DENND5B: variants seen among roughly 807,000 people sequenced by gnomAD.
The protein encoded by DENND5B is DENN domain containing 5B, also known as DENN domain-containing protein 5B.
DENND5B carries 34 observed loss-of-function variants against 140.6 expected under a neutral mutation model. The observed-to-expected ratio is 0.24, with a 90% CI of 0.18 to 0.32. The LOEUF is 0.32. DENND5B is among the 10% of genes least tolerant of loss of function. DENND5B has a pLI of 1.00. For missense variants in DENND5B, 1,142 were observed against 1,560.2 expected (o/e 0.73, Z 4.52); for synonymous variants, 551 against 562.1 (o/e 0.98, Z 0.28).
chr12:31,532,403 T>G (rs891989222), intron 1 of DENND5B, among the ~76,000 whole-genome samples: 1 of 152,126 alleles, frequency 6.6e-6, no homozygotes, highest in Non-Finnish European at 1.5e-5. Flanking sequence ...TTTAGGCTCA[T>G]AGACCTCAAT....
chr12:31,590,502 C>T (rs746075497), intron 1 of DENND5B: 4 of 594,728 alleles, frequency 6.7e-6, no homozygotes, highest in Non-Finnish European at 1.0e-5. Flanking sequence ...GCGAAAGCCC[C>T]GGTGGGCGCA....
At chr12:31,484,225 AT>A (rs764740202) in intron 2 of DENND5B, among the ~76,000 whole-genome samples, 1 of 152,174 alleles carries the variant, frequency 6.6e-6, no homozygotes, top group Non-Finnish European at 1.5e-5. Context: ...TCGACAATGC[AT>A]TTGGCCCAGG....
At chr12:31,499,538 A>G in intron 1 of DENND5B, 1 of 1,275,584 alleles carries the variant, frequency 7.8e-7, no homozygotes, top group South Asian at 1.8e-5. Flanking sequence ...AAACATTTAT[A>G]ATGGGCTTGC....
At chr12:31,526,694 G>A (rs1298036704) in intron 1 of DENND5B, among the ~76,000 whole-genome samples, 2 of 152,294 alleles carry the variant, frequency 1.3e-5, no homozygotes, top group South Asian at 2.1e-4. Flanking sequence ...AAAAATTCAC[G>A]AAATCCAAAT....
At chr12:31,587,043 A>C (rs1364901119) in intron 1 of DENND5B, among the ~76,000 whole-genome samples, 2 of 152,062 alleles carry the variant, frequency 1.3e-5, no homozygotes, top group East Asian at 1.9e-4. Flanking sequence ...CACACTCCTT[A>C]ATCTCCTCGG....
intron 3 of DENND5B, among the ~76,000 whole-genome samples, chr12:31,462,845 G>C (rs980665383): frequency 2.0e-5 from 3 of 152,132 alleles, no homozygotes; most frequent in African/African-American, 7.2e-5. Flanking sequence ...TGTAATCCCA[G>C]TTACTTGGGA....
At chr12:31,461,443 C>T (rs77032448) in intron 3 of DENND5B, among the ~76,000 whole-genome samples, 3,123 of 152,238 alleles carry the variant, frequency 0.021, 56 homozygotes, top group South Asian at 0.052. Context: ...GTAAAGCAGC[C>T]TTTTAAACCA....
intron 1 of DENND5B, among the ~76,000 whole-genome samples, chr12:31,589,076 T>G (rs936834152): frequency 1.3e-5 from 2 of 152,234 alleles, no homozygotes; most frequent in Non-Finnish European, 2.9e-5. Flanking sequence ...GGTACAGTTT[T>G]AGCTTCAGTA....
chr12:31,538,684 T>C (rs1948585352), intron 1 of DENND5B, among the ~76,000 whole-genome samples: 1 of 152,026 alleles, frequency 6.6e-6, no homozygotes, highest in Non-Finnish European at 1.5e-5. Flanking sequence ...CTGGACAACT[T>C]GGTGAAACCC....
intron 1 of DENND5B, among the ~76,000 whole-genome samples, chr12:31,545,625 T>C (rs1948829450): frequency 6.6e-6 from 1 of 152,102 alleles, no homozygotes; most frequent in Non-Finnish European, 1.5e-5. Flanking sequence ...TAATGAAAAG[T>C]ACATATTTCA....
At chr12:31,404,202 G>T (rs955631968) in intron 14 of DENND5B, among the ~76,000 whole-genome samples, 1 of 152,162 alleles carries the variant, frequency 6.6e-6, no homozygotes, top group Admixed American at 6.5e-5. Context: ...TCCAGCCTGG[G>T]CAACACAGCG....
At chr12:31,558,880 C>A (rs1010348406) in intron 1 of DENND5B, among the ~76,000 whole-genome samples, 4 of 152,144 alleles carry the variant, frequency 2.6e-5, no homozygotes, top group African/African-American at 4.8e-5. Context: ...GCAACTAACA[C>A]CATTTCATCT....
At chr12:31,472,323 G>T (rs1945597629) in intron 3 of DENND5B, among the ~76,000 whole-genome samples, 1 of 152,240 alleles carries the variant, frequency 6.6e-6, no homozygotes, top group Middle Eastern at 3.4e-3. Context: ...ATGGAGTCTT[G>T]CCCTGTCTCC....
chr12:31,525,292 T>C (rs1037457849), intron 1 of DENND5B, among the ~76,000 whole-genome samples: 1 of 152,218 alleles, frequency 6.6e-6, no homozygotes, highest in Non-Finnish European at 1.5e-5. Context: ...ACAACCTAAA[T>C]TTCCATCAAC....
In DENND5B at chr12:31,545,950, C is replaced by CAAAAAAAA. The variant is rs57460264; in HGVS notation, c.127+44748_127+44755dup. On this transcript the variant is annotated intron_variant, in intron 1 of 20. Coordinates refer to ENST00000389082, the MANE Select transcript of DENND5B (RefSeq NM_144973.4). ...TGGGTGAGAGAGTAAGACACTGTCT[C>CAAAAAAAA]AAAAAAAAAAAAAAAAAAAAAGTGG... Among the ~76,000 whole-genome samples the CAAAAAAAA allele has an allele frequency of 8.7e-3, 314 of 36,284 alleles. 52 individuals carry two copies. The highest frequency in any genetic ancestry group is 0.038 in the African/African-American group (262 of 6,920). The allele number at this position is 36,284 out of a possible 152,430, so 23.8% of individuals were successfully genotyped here.
At chr12:31,443,044 T>TCG (rs1565582920) in intron 6 of DENND5B, 119 bp from the exon 7 acceptor site, 8 of 506,180 alleles carry the variant, frequency 1.6e-5, no homozygotes, top group Non-Finnish European at 1.0e-5. Flanking sequence ...GAAACAGATA[T>TCG]TGTGTGTGTG....
chr12:31,460,392 C>T lies in DENND5B; in HGVS notation c.905-11G>A. 1 of 1,604,936 alleles carries T rather than the reference C, an allele frequency of 6.2e-7. No individual in the cohort carries two copies. Among genetic ancestry groups the T allele is most frequent in the Non-Finnish European group, 8.5e-7 (1 of 1,174,064 alleles). ...TCAGGCGTTGATAATCTGCACAGAA[C>T]AAGGAAAAAGGAAAGGGAAGAGTCC... is the stretch of plus-strand genomic sequence containing the variant. On this transcript the variant is annotated splice_polypyrimidine_tract_variant and intron_variant, in intron 3 of 20. Transcript: ENST00000389082.
chr12:31,451,933 T>C lies in DENND5B; in HGVS notation c.1629+7A>G, dbSNP rs761355753. 5.6e-6 allele frequency: 9 copies of C among 1,612,804 alleles called. No individual in the cohort carries two copies. Among genetic ancestry groups the C allele is most frequent in the Non-Finnish European group, 5.1e-6 (6 of 1,179,610 alleles). On this transcript the variant is annotated splice_region_variant and intron_variant, in intron 5 of 20. Transcript: ENST00000389082. ...AACCACAAAAGGAAAACTATGGTTC[T>C]TTTTACTTTGTCAAAGTTCTGCATC... is the stretch of plus-strand genomic sequence containing the variant.
chr12:31,417,172 C>T (rs1483851175), intron 11 of DENND5B, among the ~76,000 whole-genome samples: 3 of 150,290 alleles, frequency 2.0e-5, no homozygotes, highest in Admixed American at 6.7e-5. Flanking sequence ...CTGGCTAACA[C>T]GGTGAAACCC....
Sources: gnomAD v4.1 joint callset for allele counts (sites outside exome capture counted in the v4.1 genomes callset) on GRCh38, gnomAD v4.1.1 for gene constraint, MANE v1.5 for transcripts, NCBI Gene and HGNC (gene_info 2026-07-23, HGNC 2026-07-21) for gene names.